INPP4B: variants seen among roughly 807,000 people sequenced by gnomAD.
INPP4B encodes the protein inositol polyphosphate 4-phosphatase type II.
A neutral mutation model predicts 122.5 loss-of-function variants in INPP4B; 55 were observed. The observed-to-expected ratio is 0.45, with a 90% CI of 0.36 to 0.56. The LOEUF (loss-of-function observed/expected upper bound fraction) is 0.56, where lower values mean the gene tolerates loss of function less well. INPP4B is among the 20% of genes least tolerant of loss of function. INPP4B has a pLI of 0.00. For synonymous variants in INPP4B, 403 were observed against 388.7 expected (o/e 1.04, Z -0.43); for missense variants, 1,000 against 1,097.7 (o/e 0.91, Z 1.26).
chr4:142,157,170 A>G (rs1340138280), intron 17 of INPP4B, among the ~76,000 whole-genome samples: 1 of 152,166 alleles, frequency 6.6e-6, no homozygotes, highest in Non-Finnish European at 1.5e-5. Flanking sequence ...TTAATACCAC[A>G]GTCTCTAAAG....
At position 142,260,577 on chromosome 4, in the gene INPP4B, GTA is replaced by G. The variant is rs1561664332; in HGVS notation, c.616-15_616-14del. On this transcript the variant is annotated splice_polypyrimidine_tract_variant and intron_variant, in intron 10 of 25. Coordinates refer to ENST00000262992, the MANE Select transcript of INPP4B (RefSeq NM_001101669.3). ...ATACCAGGGCACACTAGGAAAAAAT[GTA>G]AAAAAAAAAAAAAAATTTTGAGAAC... is the stretch of plus-strand genomic sequence containing the variant. 6 of 1,228,940 alleles carry G rather than the reference GTA, an allele frequency of 4.9e-6. No individual in the cohort carries two copies. The South Asian group carries it at 9.8e-5, about 20-fold the overall frequency. 76.1% of individuals were successfully genotyped at this position (1,228,940 alleles called of 1,614,324 possible). A position where few individuals can be genotyped will look rare whatever the true frequency, so the allele number is the denominator to read the frequency against.
At chr4:142,509,099 C>T (rs574511296) in intron 2 of INPP4B, among the ~76,000 whole-genome samples, 2 of 152,148 alleles carry the variant, frequency 1.3e-5, no homozygotes, top group African/African-American at 4.8e-5. Context: ...GGAACCAATA[C>T]AATTTACAGA....
chr4:142,720,079 T>C (rs1299723563), intron 2 of INPP4B, among the ~76,000 whole-genome samples: 2 of 152,136 alleles, frequency 1.3e-5, no homozygotes, highest in Non-Finnish European at 2.9e-5. Context: ...GACAAATTAC[T>C]CAAGTTCACC....
intron 2 of INPP4B, among the ~76,000 whole-genome samples, chr4:142,492,170 C>T (rs1821963708): frequency 6.6e-6 from 1 of 152,100 alleles, no homozygotes; most frequent in Non-Finnish European, 1.5e-5. Flanking sequence ...TCCACTTCTG[C>T]CATGATTGTC....
chr4:142,546,831 C>T (rs1829697894), intron 2 of INPP4B, among the ~76,000 whole-genome samples: 1 of 152,100 alleles, frequency 6.6e-6, no homozygotes, highest in Non-Finnish European at 1.5e-5. Flanking sequence ...CCTAATACAA[C>T]TAACTTTCCC....
intron 5 of INPP4B, among the ~76,000 whole-genome samples, chr4:142,424,557 C>T (rs968445600): frequency 1.3e-5 from 2 of 152,042 alleles, no homozygotes; most frequent in Non-Finnish European, 2.9e-5. Context: ...AAATAAAGGC[C>T]ATATTGTGCA....
chr4:142,030,745 T>TAAAC (rs1473623065), intron 25 of INPP4B, among the ~76,000 whole-genome samples: 3 of 152,178 alleles, frequency 2.0e-5, no homozygotes, highest in African/African-American at 7.2e-5. Flanking sequence ...CTGGCATATT[T>TAAAC]AAACATACTC....
chr4:142,681,415 C>G (rs1241871744), intron 2 of INPP4B, among the ~76,000 whole-genome samples: 1 of 151,854 alleles, frequency 6.6e-6, no homozygotes, highest in East Asian at 1.9e-4. Context: ...GAAGAGCCCA[C>G]TGAACCAAAC....
At chr4:142,137,279 T>C (rs1579040372) in intron 18 of INPP4B, among the ~76,000 whole-genome samples, 1 of 147,958 alleles carries the variant, frequency 6.8e-6, no homozygotes, top group East Asian at 2.0e-4. Flanking sequence ...AAACAAGCAA[T>C]GGGGAAAGGA....
Position 142,398,376 on chromosome 4 carries a change from TAAAAAAAAAAA to T in INPP4B, c.372+4551_372+4561del, listed in dbSNP as rs1183246808. 3.7e-3 allele frequency among the ~76,000 whole-genome samples: 33 copies of T among 8,836 alleles called. 1 individual carries two copies. The highest frequency in any genetic ancestry group is 8.3e-3 in the East Asian group (1 of 120). 5.8% of individuals were successfully genotyped at this position (8,836 alleles called of 152,430 possible). On this transcript the variant is annotated intron_variant, in intron 7 of 25. Coordinates refer to ENST00000262992, the MANE Select transcript of INPP4B (RefSeq NM_001101669.3). ...CTGGGTAACAGAGCCAGACTCTGTC[TAAAAAAAAAAA>T]AAAAAAAAAAAAAAATATATATATA...
At chr4:142,508,337 G>A (rs537721345) in intron 2 of INPP4B, among the ~76,000 whole-genome samples, 9 of 152,218 alleles carry the variant, frequency 5.9e-5, no homozygotes, top group South Asian at 2.1e-4. Context: ...GTGCAGTGGC[G>A]CAATTGGCTC....
intron 1 of INPP4B, among the ~76,000 whole-genome samples, chr4:142,838,824 A>G (rs1342416102): frequency 6.6e-6 from 1 of 152,236 alleles, no homozygotes; most frequent in Non-Finnish European, 1.5e-5. Context: ...CAAAAGGTGT[A>G]TTTCAGGAGA....
At chr4:142,270,597 G>T (rs865803207) in intron 10 of INPP4B, 66 bp downstream of exon 10, 2 of 1,082,584 alleles carry the variant, frequency 1.8e-6, no homozygotes, top group Non-Finnish European at 2.9e-6. Context: ...ATGTTGGTGA[G>T]ACAGACATCT....
chr4:142,785,364 AAC>A (rs1221346851), intron 1 of INPP4B, among the ~76,000 whole-genome samples: 1 of 152,100 alleles, frequency 6.6e-6, no homozygotes, highest in Non-Finnish European at 1.5e-5. Context: ...ATTCAGATAA[AAC>A]AGTTTAGAAT....
chr4:142,211,516 G>A (rs539554789), intron 12 of INPP4B, among the ~76,000 whole-genome samples: 188 of 152,238 alleles, frequency 1.2e-3, no homozygotes, highest in Non-Finnish European at 2.0e-3. Flanking sequence ...CAACCACAAG[G>A]AAGTAAAAAA....
intron 9 of INPP4B, among the ~76,000 whole-genome samples, chr4:142,272,641 AT>A (rs1393870772): frequency 7.9e-5 from 12 of 151,994 alleles, no homozygotes; most frequent in Admixed American, 7.9e-4. Context: ...ATAATTCATT[AT>A]ATCAGTTTTC....
Position 142,173,732 on chromosome 4 carries a change from A to G in INPP4B, c.1259T>C (p.Leu420Pro). Reference sequence around the variant, plus strand: ...TGCATGGGTTGCTATAAGAGGTTGTAGTTGATTGATGTTGCTGAGAACTTC... The same window carrying G: ...TGCATGGGTTGCTATAAGAGGTTGTGGTTGATTGATGTTGCTGAGAACTTC... ...AKEVLSNINQ[L>P]QPLIATHADL... is the part of the protein sequence containing the mutation. The change falls in exon 16 of 26, where the codon CTA (leucine) becomes CCA (proline). Residue 420 changes from leucine to proline, a missense_variant. Transcript: ENST00000262992. 6.2e-7 allele frequency: 1 copy of G among 1,613,370 alleles called. No individual in the cohort carries two copies. The highest frequency in any genetic ancestry group is 2.2e-5 in the East Asian group (1 of 44,848).
intron 23 of INPP4B, among the ~76,000 whole-genome samples, chr4:142,102,173 A>G (rs1784759603): frequency 1.3e-5 from 2 of 152,058 alleles, no homozygotes; most frequent in South Asian, 4.1e-4. Context: ...TATATTTCAA[A>G]TAAGATTTAA....
chr4:142,258,544 A>G (rs1295653467), intron 11 of INPP4B, among the ~76,000 whole-genome samples: 5 of 152,284 alleles, frequency 3.3e-5, no homozygotes, highest in Middle Eastern at 3.4e-3. Context: ...GTGGGCAAAG[A>G]ACATGAACAG....
Sources: allele counts gnomAD v4.1 joint callset (sites outside exome capture counted in the v4.1 genomes callset), GRCh38; gene constraint gnomAD v4.1.1; transcripts MANE v1.5; gene names NCBI Gene and HGNC (gene_info 2026-07-23, HGNC 2026-07-21).